NCAPD2: variants seen among roughly 807,000 people sequenced by gnomAD.
NCAPD2 encodes the protein condensin complex subunit 1.
In NCAPD2, 100 loss-of-function variants were observed where a neutral mutation model predicts 164.5. The observed-to-expected ratio is 0.61, with a 90% CI of 0.52 to 0.72. The LOEUF is 0.72. NCAPD2 is among the 30% of genes least tolerant of loss of function. The pLI is 0.00. For synonymous variants in NCAPD2, 585 were observed against 642.6 expected, an observed-to-expected ratio of 0.91 and a Z score of 1.36; for missense variants, 1,560 against 1,749.2, an observed-to-expected ratio of 0.89 and a Z score of 1.93.
intron 17 of NCAPD2, 101 bp from the exon 18 acceptor site, chr12:6,525,481 AC>A: frequency 7.5e-7 from 1 of 1,340,430 alleles, no homozygotes; most frequent in Non-Finnish European, 1.0e-6. Context: ...CCTAAGTATT[AC>A]TTTTGTCTAC....
intron 4 of NCAPD2, 141 bp downstream of exon 4, chr12:6,510,274 G>A: frequency 1.0e-6 from 1 of 962,216 alleles, no homozygotes. Context: ...GCTAAGCCCA[G>A]GGACCTTTGG....
intron 2 of NCAPD2, among the ~76,000 whole-genome samples, chr12:6,508,766 G>A (rs868311754): frequency 3.9e-5 from 6 of 152,192 alleles, no homozygotes; most frequent in African/African-American, 1.2e-4. Context: ...GGAGAAATGT[G>A]GCAGACACTA....
intron 2 of NCAPD2, among the ~76,000 whole-genome samples, chr12:6,499,598 G>A (rs575616390): frequency 6.6e-6 from 1 of 152,160 alleles, no homozygotes; most frequent in South Asian, 2.1e-4. Context: ...CACCATGTTG[G>A]CCAGGCTGGT....
At chr12:6,513,733 T>TTTTTTTTTTTTTTTGC (rs1946173101) in intron 6 of NCAPD2, among the ~76,000 whole-genome samples, 1 of 124,238 alleles carries the variant, frequency 8.0e-6, no homozygotes, top group African/African-American at 3.0e-5. Flanking sequence ...TTTTTTTTTT[T>TTTTTTTTTTTTTTTGC]GTGATGGAGT....
Position 6,517,916 on chromosome 12 carries a change from G to A in NCAPD2, c.1546G>A (p.Val516Met), listed in dbSNP as rs375796466. The A allele has an allele frequency of 1.9e-6, 3 of 1,614,116 alleles. No homozygotes were observed. The highest frequency in any genetic ancestry group is 1.3e-5 in the African/African-American group (1 of 75,072). The change falls in exon 13 of 32, where the codon GTG (valine) becomes ATG (methionine). Residue 516 changes from valine (V) to methionine (M), a missense_variant. Physicochemically the swap from Val to Met is conservative, Grantham distance 21. Transcript: ENST00000315579. ...QIANTETTED[V>M]KGRIYQLLAK... ...TGCCAATACAGAGACAACTGAAGATGTGAAAGGACGCATCTATCAACTGCT... is the reference window on the plus strand; with the variant it reads ...TGCCAATACAGAGACAACTGAAGATATGAAAGGACGCATCTATCAACTGCT...
chr12:6,510,042 C>G, intron 3 of NCAPD2, 33 bp from the exon 4 acceptor site: 1 of 1,604,192 alleles, frequency 6.2e-7, no homozygotes. Context: ...AGGCTCCTTC[C>G]TGTCTCACCC....
intron 17 of NCAPD2, 33 bp from the exon 18 acceptor site, chr12:6,525,550 T>G: frequency 6.3e-7 from 1 of 1,582,514 alleles, no homozygotes; most frequent in East Asian, 2.3e-5. Context: ...AATTGTTCAT[T>G]TTTGGCTTGA....
chr12:6,526,312 C>A lies in NCAPD2; in HGVS notation c.2507C>A (p.Pro836His), dbSNP rs73259178. The A allele has an allele frequency of 4.2e-5, 68 of 1,614,082 alleles. No homozygotes were observed. Among genetic ancestry groups the A allele is most frequent in the Non-Finnish European group, 4.9e-5 (58 of 1,180,038 alleles). ...RKPSLGKRHPPFRLPQEHRLF... is the reference protein window; with the variant it reads ...RKPSLGKRHPHFRLPQEHRLF... ...CCTTCTCTGGGCAAACGTCACCCCC[C>A]CTTCCGGCTGCCTCAGGAACACAGG... The change falls in exon 20 of 32, where the codon CCC becomes CAC. Residue 836 changes from proline to histidine, a missense_variant. By Grantham distance (77) the Pro-to-His change is moderately conservative. Coordinates refer to ENST00000315579, the MANE Select transcript of NCAPD2 (RefSeq NM_014865.4).
Position 6,531,043 on chromosome 12 carries a change from G to T in NCAPD2, c.4087G>T (p.Val1363Phe), listed in dbSNP as rs1444213061. 4.3e-6 allele frequency: 7 copies of T among 1,613,978 alleles called. No individual in the cohort carries two copies. The highest frequency in any genetic ancestry group is 5.9e-6 in the Non-Finnish European group (7 of 1,180,028). ...GCGAGCTTCCAAAAAGAAACCCAAA[G>T]TTGTCTTCTCAAGTGATGAGTCCAG... The part of the protein sequence containing the change: ...QQRASKKKPK[V>F]VFSSDESSEE... Residue 1363 changes from valine (V) to phenylalanine (F), a missense_variant, in exon 31 of 32, where the codon GTT becomes TTT. Coordinates refer to ENST00000315579, the MANE Select transcript of NCAPD2 (RefSeq NM_014865.4). The surrounding 1 kb of genome is among the most constrained non-coding windows in gnomAD (Gnocchi z 4.1).
chr12:6,521,509 C>T (rs1490023592), intron 14 of NCAPD2, among the ~76,000 whole-genome samples: 1 of 152,042 alleles, frequency 6.6e-6, no homozygotes. Flanking sequence ...TGACGAAACC[C>T]CCATCTCTAC....
intron 2 of NCAPD2, among the ~76,000 whole-genome samples, chr12:6,498,466 C>G (rs1946004011): frequency 1.3e-5 from 2 of 152,138 alleles, no homozygotes; most frequent in South Asian, 4.1e-4. Flanking sequence ...GGACCCTTAT[C>G]CCAGGAGATA....
chr12:6,506,921 G>C (rs10849477), intron 2 of NCAPD2, among the ~76,000 whole-genome samples: 26 of 152,192 alleles, frequency 1.7e-4, no homozygotes, highest in Middle Eastern at 3.4e-3. Context: ...AATTCAAATC[G>C]TATTGTTCGA....
intron 1 of NCAPD2, 61 bp downstream of exon 1, chr12:6,494,215 C>G (rs1221126217): frequency 6.6e-6 from 1 of 152,182 alleles, no homozygotes; most frequent in Admixed American, 6.5e-5. Context: ...GCAGTGTGAC[C>G]CAGTCTTGGG....
In NCAPD2 at chr12:6,529,953, G is replaced by T; in HGVS notation, c.3832G>T (p.Gly1278Cys). 6.2e-7 allele frequency: 1 copy of T among 1,613,018 alleles called. No homozygotes were observed. The highest frequency in any genetic ancestry group is 1.1e-5 in the South Asian group (1 of 90,890). Residue 1278 changes from glycine to cysteine, a missense_variant, in exon 29 of 32, where the codon GGC becomes TGC. Gly to Cys is a radical substitution (Grantham distance 159, BLOSUM62 -3). Coordinates refer to ENST00000315579, the MANE Select transcript of NCAPD2 (RefSeq NM_014865.4). The part of the protein sequence containing the change: ...GKLRRGAKPE[G>C]KAIIDEFEQK... Reference sequence around the variant, plus strand: ...GCTGCGACGTGGGGCCAAGCCTGAGGGCAAGGTGAGCAGCACAGGACACTT... The same window carrying T: ...GCTGCGACGTGGGGCCAAGCCTGAGTGCAAGGTGAGCAGCACAGGACACTT...
chr12:6,514,666 G>T, intron 8 of NCAPD2, 79 bp downstream of exon 8: 2 of 1,609,420 alleles, frequency 1.2e-6, no homozygotes, highest in Non-Finnish European at 1.7e-6. Context: ...TACATTATCT[G>T]TGCAACAGTA....
intron 2 of NCAPD2, among the ~76,000 whole-genome samples, chr12:6,505,118 T>G (rs1348641440): frequency 6.6e-6 from 1 of 152,138 alleles, no homozygotes; most frequent in Non-Finnish European, 1.5e-5. Context: ...CAGGCTGGAG[T>G]GCAGTGGCAT....
intron 15 of NCAPD2, 21 bp downstream of exon 15, chr12:6,522,058 A>C: frequency 6.2e-7 from 1 of 1,610,696 alleles, no homozygotes; most frequent in Non-Finnish European, 8.5e-7. Context: ...GTCCCTTTCT[A>C]TAAGGACAGC....
At position 6,531,839 on chromosome 12, in the gene NCAPD2, ATGC is replaced by A. The variant is rs1946377462; in HGVS notation, c.*428_*430del. ...AAAAAATGCCTACACGCTCTTTAAA[ATGC>A]AAGGCTTTCTCTTAAATTAGCCTAA... On this transcript the variant is annotated 3_prime_UTR_variant, in exon 32 of 32. Coordinates refer to ENST00000315579, the MANE Select transcript of NCAPD2 (RefSeq NM_014865.4). This position sits in a 1 kb window ranked among gnomAD's most constrained non-coding sequence, Gnocchi z 4.1. The A allele has an allele frequency of 9.6e-6, 2 of 208,572 alleles. No homozygotes were observed. The highest frequency in any genetic ancestry group is 2.4e-5 in the African/African-American group (1 of 42,038). The allele number at this position is 208,572 out of a possible 1,614,324, so 12.9% of individuals were successfully genotyped here.
chr12:6,511,187 A>C lies in NCAPD2; in HGVS notation c.522A>C (p.Thr174=). The change falls in exon 6 of 32, where the codon ACA becomes ACC. Residue 174 remains threonine, a synonymous_variant. Coordinates refer to ENST00000315579, the MANE Select transcript of NCAPD2 (RefSeq NM_014865.4). ...EERQPILQLL[T]QLLQLDIRHL... is the part of the protein sequence containing the mutation. ...GGCAACCAATTCTTCAGCTTTTAAC[A>C]CAGCTACTTCAGTTGGACATCCGTC... 9.9e-6 allele frequency: 16 copies of C among 1,614,242 alleles called. No homozygotes were observed. The highest frequency in any genetic ancestry group is 1.4e-5 in the Non-Finnish European group (16 of 1,180,044).
Sources: allele counts gnomAD v4.1 joint callset (sites outside exome capture counted in the v4.1 genomes callset), GRCh38; gene constraint gnomAD v4.1.1; non-coding constraint Gnocchi (gnomAD v3.1); transcripts MANE v1.5; gene names NCBI Gene and HGNC (gene_info 2026-07-23, HGNC 2026-07-21).